SGPL1: variants seen among roughly 807,000 people sequenced by gnomAD.
SGPL1 encodes the protein SP-lyase 1.
A neutral mutation model predicts 68.9 loss-of-function variants in SGPL1; 37 were observed. The ratio of observed to expected loss-of-function variants is 0.54; its 90% CI spans 0.41 to 0.71. The LOEUF (loss-of-function observed/expected upper bound fraction) is 0.71, where lower values mean the gene tolerates loss of function less well. Ranked by LOEUF, SGPL1 falls within the 30% of genes least tolerant of loss-of-function variation. The probability of loss-of-function intolerance (pLI) is 0.00; values close to 1 mark genes in which losing one functional copy is unlikely to be tolerated. For missense variants in SGPL1, 551 were observed against 704.6 expected (o/e 0.78, Z 2.47); for synonymous variants, 236 against 248.5 (o/e 0.95, Z 0.47).
chr10:70,873,467 C>G lies in SGPL1; in HGVS notation c.1176C>G (p.Ile392Met). 1 of 1,614,258 alleles carries G rather than the reference C, an allele frequency of 6.2e-7. No individual in the cohort carries two copies. Among genetic ancestry groups the G allele is most frequent in the Non-Finnish European group, 8.5e-7 (1 of 1,180,038 alleles). ...GTGGCATCTATGCTTCCCCAACCAT[C>G]GCAGGCTCACGGCCTGGTGGCATTA... ...WQGGIYASPT[I>M]AGSRPGGISA... Residue 392 changes from isoleucine to methionine, a missense_variant, in exon 12 of 15, where the codon ATC (isoleucine) becomes ATG (methionine). Transcript: ENST00000373202.
chr10:70,871,067 C>G lies in SGPL1; in HGVS notation c.830C>G (p.Ser277Cys). 1 of 1,613,846 alleles carries G rather than the reference C, an allele frequency of 6.2e-7. No homozygotes were observed. Among genetic ancestry groups the G allele is most frequent in the Non-Finnish European group, 8.5e-7 (1 of 1,179,732 alleles). Residue 277 changes from serine (S) to cysteine (C), a missense_variant, in exon 10 of 15, where the codon TCC (serine) becomes TGC (cysteine). Coordinates refer to ENST00000373202, the MANE Select transcript of SGPL1 (RefSeq NM_003901.4). ...VDVRAMRRAI[S>C]RNTAMLVCST... ...CCCTAGGCAATGAGAAGAGCTATCT[C>G]CAGGAACACTGCCATGCTCGTCTGT...
chr10:70,862,916 C>G (rs1038451066), intron 7 of SGPL1, among the ~76,000 whole-genome samples: 5 of 152,174 alleles, frequency 3.3e-5, no homozygotes, highest in Non-Finnish European at 5.9e-5. Context: ...CAGTAGAAGC[C>G]CATTGGGCTT....
chr10:70,845,182 C>T (rs1845773284), intron 3 of SGPL1, among the ~76,000 whole-genome samples: 1 of 152,076 alleles, frequency 6.6e-6, no homozygotes, highest in Non-Finnish European at 1.5e-5. Flanking sequence ...AAAAACGCCT[C>T]AGAATTAGTC....
chr10:70,831,920 A>G (rs1845545713), intron 2 of SGPL1, among the ~76,000 whole-genome samples: 1 of 152,150 alleles, frequency 6.6e-6, no homozygotes, highest in Non-Finnish European at 1.5e-5. Context: ...CCACAGTTGG[A>G]CTAGAGTCTT....
At chr10:70,825,646 G>T (rs1302788921) in intron 2 of SGPL1, among the ~76,000 whole-genome samples, 3 of 152,128 alleles carry the variant, frequency 2.0e-5, no homozygotes, top group Admixed American at 6.5e-5. Context: ...TGCCTGGAGG[G>T]CCTTTAAAAG....
intron 7 of SGPL1, among the ~76,000 whole-genome samples, chr10:70,867,436 G>A (rs1175757521): frequency 1.3e-5 from 2 of 152,056 alleles, no homozygotes; most frequent in Admixed American, 6.5e-5. Context: ...GGTGGTGGGC[G>A]CCTGTAATCC....
intron 2 of SGPL1, among the ~76,000 whole-genome samples, chr10:70,825,330 T>A (rs1845413687): frequency 1.3e-5 from 2 of 152,144 alleles, no homozygotes; most frequent in South Asian, 4.1e-4. Flanking sequence ...TCTGGTTGAT[T>A]TAATTCAGAG....
At chr10:70,818,246 G>A (rs1051549364) in intron 2 of SGPL1, among the ~76,000 whole-genome samples, 1 of 152,028 alleles carries the variant, frequency 6.6e-6, no homozygotes, top group Non-Finnish European at 1.5e-5. Flanking sequence ...TCAGCCTCCC[G>A]GGTAGCTGGG....
In SGPL1 at chr10:70,877,315, G is replaced by C. The variant is rs368301588; in HGVS notation, c.1687G>C (p.Gly563Arg). ...TGTCACCCAGGGCAGCCAGATGAAT[G>C]GTTCTCCAAAACCCCACTGAACTTG... ...DTVTQGSQMN[G>R]SPKPH The change falls in exon 15 of 15, where the codon GGT becomes CGT. Residue 563 changes from glycine (G) to arginine (R), a missense_variant. Coordinates refer to ENST00000373202, the MANE Select transcript of SGPL1 (RefSeq NM_003901.4). 11 of 1,614,042 alleles carry C rather than the reference G, an allele frequency of 6.8e-6. No homozygotes were observed. In the African/African-American group the frequency reaches 1.2e-4, roughly 18 times the overall value.
chr10:70,825,527 A>G (rs1180422618), intron 2 of SGPL1, among the ~76,000 whole-genome samples: 1 of 152,196 alleles, frequency 6.6e-6, no homozygotes, highest in Non-Finnish European at 1.5e-5. Flanking sequence ...GATTATAGAA[A>G]GGGAATGTTC....
intron 4 of SGPL1, 101 bp from the exon 5 acceptor site, chr10:70,854,607 T>A (rs1845933445): frequency 1.1e-6 from 1 of 937,192 alleles, no homozygotes; most frequent in Non-Finnish European, 1.6e-6. Flanking sequence ...TAGTTACTTG[T>A]GCGGTGCCTA....
intron 11 of SGPL1, 35 bp from the exon 12 acceptor site, chr10:70,873,316 A>G: frequency 6.8e-7 from 1 of 1,479,820 alleles, no homozygotes; most frequent in Non-Finnish European, 9.5e-7. Flanking sequence ...ACAGAACTAT[A>G]CTCTCACTTT....
intron 2 of SGPL1, among the ~76,000 whole-genome samples, chr10:70,839,056 A>T (rs566483832): frequency 6.6e-6 from 1 of 152,304 alleles, no homozygotes; most frequent in African/African-American, 2.4e-5. Flanking sequence ...AAAGAGTTTT[A>T]TGTCATTGGG....
intron 4 of SGPL1, among the ~76,000 whole-genome samples, chr10:70,851,553 C>G (rs752520812): frequency 6.6e-6 from 1 of 152,034 alleles, no homozygotes; most frequent in Non-Finnish European, 1.5e-5. Flanking sequence ...TGTAACTGGC[C>G]AAAGGAGAGA....
At chr10:70,876,819 C>T (rs560267459) in intron 14 of SGPL1, among the ~76,000 whole-genome samples, 158 bp downstream of exon 14, 1 of 152,194 alleles carries the variant, frequency 6.6e-6, no homozygotes, top group African/African-American at 2.4e-5. Flanking sequence ...GCATCACCCA[C>T]CCCTTAGGGT....
intron 5 of SGPL1, chr10:70,857,301 G>T: frequency 3.0e-6 from 1 of 335,554 alleles, no homozygotes; most frequent in East Asian, 8.9e-5. Context: ...AATAAGTATA[G>T]ACAAAGGCAA....
chr10:70,828,983 G>A (rs1338617543), intron 2 of SGPL1, among the ~76,000 whole-genome samples: 3 of 152,122 alleles, frequency 2.0e-5, no homozygotes, highest in Admixed American at 6.5e-5. Flanking sequence ...AGGGCGCTGG[G>A]GAGGGCAAAT....
chr10:70,826,590 A>G (rs531676722), intron 2 of SGPL1, among the ~76,000 whole-genome samples: 36 of 152,374 alleles, frequency 2.4e-4, no homozygotes, highest in African/African-American at 8.7e-4. Flanking sequence ...CAACGATACC[A>G]GATTAGGATA....
chr10:70,819,168 C>T (rs1845291838), intron 2 of SGPL1, among the ~76,000 whole-genome samples: 1 of 152,212 alleles, frequency 6.6e-6, no homozygotes, highest in African/African-American at 2.4e-5. Context: ...GGAATATTAA[C>T]TTTGGAATCA....
Sources: gnomAD v4.1 joint callset for allele counts (sites outside exome capture counted in the v4.1 genomes callset) on GRCh38, gnomAD v4.1.1 for gene constraint, MANE v1.5 for transcripts, NCBI Gene and HGNC (gene_info 2026-07-23, HGNC 2026-07-21) for gene names.